Variants in FAM53A observed in about 807,000 individuals in gnomAD.
FAM53A encodes protein FAM53A.
FAM53A carries 28 observed loss-of-function variants against 26.6 expected under a neutral mutation model. The ratio of observed to expected loss-of-function variants is 1.05; its 90% CI spans 0.78 to 1.45. The LOEUF (loss-of-function observed/expected upper bound fraction) is 1.45. Among genes scored for constraint, FAM53A ranks in the 40% most tolerant of loss-of-function variants. The pLI is 0.00. For missense variants in FAM53A, 650 were observed against 575.8 expected (o/e 1.13, Z -1.32); for synonymous variants, 290 against 253.1 (o/e 1.15, Z -1.38).
chr4:1,654,549 A>G (rs953973600), intron 4 of FAM53A, among the ~76,000 whole-genome samples: 2 of 152,238 alleles, frequency 1.3e-5, no homozygotes, highest in African/African-American at 4.8e-5. Flanking sequence ...AGCTCCCACA[A>G]GAGAGGACCC....
the FAM53A span, among the ~76,000 whole-genome samples, chr4:1,575,338 C>T: frequency 7.2e-5 from 11 of 152,212 alleles, no homozygotes; most frequent in African/African-American, 2.4e-4. Flanking sequence ...ACCCTGTGCC[C>T]GAGTTGGCAT....
chr4:1,652,262 G>A (rs1280433308), intron 4 of FAM53A, among the ~76,000 whole-genome samples: 2 of 103,888 alleles, frequency 1.9e-5, no homozygotes, highest in African/African-American at 3.8e-5. Flanking sequence ...CCACACGCCA[G>A]ACACCGCATA....
At chr4:1,606,292 G>A in the FAM53A span, among the ~76,000 whole-genome samples, 2 of 151,114 alleles carry the variant, frequency 1.3e-5, no homozygotes, top group African/African-American at 2.4e-5. Flanking sequence ...TGATCCTCCC[G>A]CCTCGGCCTC....
chr4:1,603,008 G>A, the FAM53A span, among the ~76,000 whole-genome samples: 148 of 152,290 alleles, frequency 9.7e-4, 6 homozygotes, highest in East Asian at 0.014. Context: ...CCAGCCGTCC[G>A]GACACAGCTC....
At chr4:1,608,238 T>C in the FAM53A span, among the ~76,000 whole-genome samples, 1 of 151,854 alleles carries the variant, frequency 6.6e-6, no homozygotes, top group Non-Finnish European at 1.5e-5. Context: ...CTCTCCGATC[T>C]TCTATGTGTT....
At chr4:1,638,773 C>CCCCAAGAG (rs33979802), downstream of FAM53A, among the ~76,000 whole-genome samples, 165 of 151,770 alleles carry the variant, frequency 1.1e-3, no homozygotes, top group East Asian at 7.4e-3. Context: ...TGGTGAGGGG[C>CCCCAAGAG]CCCTGGGCTG....
the FAM53A span, among the ~76,000 whole-genome samples, chr4:1,592,462 C>G: frequency 2.0e-5 from 3 of 152,222 alleles, no homozygotes; most frequent in Non-Finnish European, 2.9e-5. Flanking sequence ...GCCGAGGGGG[C>G]CAGGGGGCAG....
intron 1 of FAM53A, among the ~76,000 whole-genome samples, chr4:1,624,223 G>A (rs373797750): frequency 1.5e-4 from 23 of 152,254 alleles, no homozygotes; most frequent in African/African-American, 5.3e-4. Flanking sequence ...TCTTGTCTGT[G>A]ACACAGTGGC....
chr4:1,634,113 G>A (rs977198761), intron 1 of FAM53A, among the ~76,000 whole-genome samples: 4 of 152,138 alleles, frequency 2.6e-5, no homozygotes, highest in Admixed American at 6.5e-5. Flanking sequence ...TGAGGGAACC[G>A]GGGCCTCTTC....
At chr4:1,621,814 AAT>A (rs1479797471) in intron 1 of FAM53A, among the ~76,000 whole-genome samples, 1 of 152,120 alleles carries the variant, frequency 6.6e-6, no homozygotes, top group Non-Finnish European at 1.5e-5. Context: ...GTGTTGGGGG[AAT>A]ATCCCTGCGG....
rs764172167 is a variant in FAM53A, at chr4:1,641,332, G to A, written c.1158C>T (p.Ala386=). The A allele has an allele frequency of 6.2e-7, 1 of 1,611,820 alleles. No individual in the cohort carries two copies. The highest frequency in any genetic ancestry group is 8.5e-7 in the Non-Finnish European group (1 of 1,179,480). ...SVGEEGVFPR[A]RWELDLEQIE... ...TCTGCTCCAGGTCCAGCTCCCAGCG[G>A]GCCCGGGGGAAGACGCCCTCCTCCC... is the stretch of plus-strand genomic sequence containing the variant. The change falls in exon 5 of 5, where the codon GCC becomes GCT. Residue 386 remains alanine, a synonymous_variant. Transcript: ENST00000308132.
chr4:1,614,109 G>A (rs1016183851), downstream of FAM53A, among the ~76,000 whole-genome samples: 3 of 152,180 alleles, frequency 2.0e-5, no homozygotes, highest in Non-Finnish European at 2.9e-5. Context: ...TGCCACACTC[G>A]GTGTGGAGCA....
chr4:1,591,724 C>T, the FAM53A span, among the ~76,000 whole-genome samples: 3 of 152,310 alleles, frequency 2.0e-5, no homozygotes, highest in South Asian at 6.2e-4. Context: ...GCCTGGGAGT[C>T]CCTGGAGGGA....
chr4:1,642,382 C>A (rs1711794482), intron 4 of FAM53A, among the ~76,000 whole-genome samples: 1 of 152,162 alleles, frequency 6.6e-6, no homozygotes, highest in South Asian at 2.1e-4. Context: ...GTGCCAGGCT[C>A]CGGCCCTCCC....
the FAM53A span, among the ~76,000 whole-genome samples, chr4:1,595,086 C>T: frequency 6.6e-6 from 1 of 152,202 alleles, no homozygotes; most frequent in East Asian, 1.9e-4. Flanking sequence ...CAGCCAGTGC[C>T]AGCATGCCAG....
the FAM53A span, among the ~76,000 whole-genome samples, chr4:1,582,192 C>T: frequency 6.6e-6 from 1 of 152,240 alleles, no homozygotes; most frequent in East Asian, 1.9e-4. Flanking sequence ...TGTCACGTTT[C>T]AGCGTTTACT....
At chr4:1,674,078 A>G (rs1714869125) in intron 1 of FAM53A, among the ~76,000 whole-genome samples, 1 of 152,180 alleles carries the variant, frequency 6.6e-6, no homozygotes, top group South Asian at 2.1e-4. Context: ...TCAAACAACA[A>G]AAGTTTACTC....
At chr4:1,609,658 T>C in the FAM53A span, among the ~76,000 whole-genome samples, 4 of 152,048 alleles carry the variant, frequency 2.6e-5, no homozygotes, top group Admixed American at 2.0e-4. Context: ...CATGGAACTG[T>C]GAGTCAATTA....
intron 4 of FAM53A, among the ~76,000 whole-genome samples, chr4:1,643,306 A>G (rs1024224508): frequency 6.6e-6 from 1 of 151,966 alleles, no homozygotes; most frequent in African/African-American, 2.4e-5. Context: ...CTCTACTAAA[A>G]ATACAAAAAA....
Sources: gnomAD v4.1 joint callset for allele counts (sites outside exome capture counted in the v4.1 genomes callset) on GRCh38, gnomAD v4.1.1 for gene constraint, MANE v1.5 for transcripts, NCBI Gene and HGNC (gene_info 2026-07-23, HGNC 2026-07-21) for gene names.